KLHDC4: variants seen among roughly 807,000 people sequenced by gnomAD.
KLHDC4 encodes the protein kelch domain-containing protein 4.
KLHDC4 carries 90 observed loss-of-function variants against 62.4 expected under a neutral mutation model. That is an observed-to-expected ratio of 1.44 (90% CI 1.22 to 1.72). The LOEUF (loss-of-function observed/expected upper bound fraction) is 1.72. Ranked by LOEUF, KLHDC4 falls within the 40% of genes most tolerant of loss-of-function variation. The pLI is 0.00. For missense variants in KLHDC4, 1,025 were observed against 699.7 expected, an observed-to-expected ratio of 1.47 and a Z score of -5.25; for synonymous variants, 386 against 284.4, an observed-to-expected ratio of 1.36 and a Z score of -3.59.
At chr16:87,734,967 GACGCCCC>G (rs2041038767) in intron 5 of KLHDC4, among the ~76,000 whole-genome samples, 1 of 41,956 alleles carries the variant, frequency 2.4e-5, no homozygotes, top group African/African-American at 9.2e-5. Flanking sequence ...CGAATTGCCT[GACGCCCC>G]TCCCCCTCCT....
chr16:87,702,919 T>C (rs996373980), downstream of KLHDC4: 3 of 152,558 alleles, frequency 2.0e-5, no homozygotes, highest in African/African-American at 7.2e-5. Flanking sequence ...GCTGGAAAGA[T>C]AGCTTGATTA....
intron 10 of KLHDC4, among the ~76,000 whole-genome samples, chr16:87,708,724 C>T (rs2035161090): frequency 6.6e-6 from 1 of 152,248 alleles, no homozygotes; most frequent in Admixed American, 6.5e-5. Flanking sequence ...ACGGGGCCTC[C>T]TGCCACCCTC....
chr16:87,700,683 TGGAGGGCGGAGGGA>T (rs2034099992), exon 1 of KLHDC4: 1 of 112,446 alleles, frequency 8.9e-6, no homozygotes, highest in African/African-American at 8.2e-5. Context: ...GGGAGGAGGT[TGGAGGGCGGAGGGA>T]GGAGGTTGGA....
chr16:87,747,614 C>A (rs1319857010), intron 5 of KLHDC4: 1 of 152,280 alleles, frequency 6.6e-6, no homozygotes, highest in Non-Finnish European at 1.5e-5. Flanking sequence ...TCATGTCCTC[C>A]TCCAGCAGGT....
intron 4 of KLHDC4, among the ~76,000 whole-genome samples, chr16:87,752,339 T>C (rs968923803): frequency 9.9e-5 from 5 of 50,504 alleles, no homozygotes; most frequent in African/African-American, 5.2e-4. Flanking sequence ...CTGTTTTTTC[T>C]TTTTTTTTTT....
chr16:87,705,331 G>A (rs1190931713), downstream of KLHDC4, among the ~76,000 whole-genome samples: 1 of 152,202 alleles, frequency 6.6e-6, no homozygotes. Context: ...GCAGAGCTCC[G>A]CCCAGGAATC....
At chr16:87,733,925 C>T (rs574230337) in intron 5 of KLHDC4, among the ~76,000 whole-genome samples, 6 of 152,248 alleles carry the variant, frequency 3.9e-5, no homozygotes, top group Non-Finnish European at 8.8e-5. Context: ...GCTTCAATCA[C>T]GCAAGTCAGT....
rs79151439 is a variant in KLHDC4 at position 87,725,171 on chromosome 16, G to A, written c.759+1594C>T. On this transcript the variant is annotated intron_variant, in intron 7 of 11. Transcript: ENST00000270583. ...AATCAGAGCAGCGTCACCTCTGGGC[G>A]GAGGGGAGGGTGGGCAGCGGGGCCG... Among the ~76,000 whole-genome samples the A allele has an allele frequency of 2.3e-3, 353 of 152,282 alleles. 2 individuals are homozygous for A. The highest frequency in any genetic ancestry group is 8.1e-3 in the African/African-American group (336 of 41,560).
rs1031876166 is a variant in KLHDC4 at position 87,732,239 on chromosome 16, G to A, written c.507-1595C>T. Among the ~76,000 whole-genome samples the A allele has an allele frequency of 4.6e-5, 7 of 151,950 alleles. No individual in the cohort carries two copies. In the South Asian group the frequency reaches 6.2e-4, roughly 14 times the overall value. On this transcript the variant is annotated intron_variant, in intron 5 of 11. Coordinates refer to ENST00000270583, the MANE Select transcript of KLHDC4 (RefSeq NM_017566.4). ...GCCTCCCAAGTACCTGGGATTACAGGTGCCTGCCACCACGACCAGCTAATT... is the reference window on the plus strand; with the variant it reads ...GCCTCCCAAGTACCTGGGATTACAGATGCCTGCCACCACGACCAGCTAATT...
rs201912521 is a variant in KLHDC4 at position 87,737,923 on chromosome 16, C to T, written c.507-7279G>A. 1.6e-4 allele frequency among the ~76,000 whole-genome samples: 24 copies of T among 152,272 alleles called. No individual in the cohort carries two copies. In the South Asian group the frequency reaches 4.8e-3, roughly 30 times the overall value. ...TCTAAGTACATGTGGGTCCCACCTCCGTCCTATCAGAGATAGAAACTATCA... is the reference window on the plus strand; with the variant it reads ...TCTAAGTACATGTGGGTCCCACCTCTGTCCTATCAGAGATAGAAACTATCA... On this transcript the variant is annotated intron_variant, in intron 5 of 11. Transcript: ENST00000270583.
intron 7 of KLHDC4, among the ~76,000 whole-genome samples, chr16:87,719,316 T>G (rs1047858619): frequency 6.6e-6 from 1 of 152,264 alleles, no homozygotes; most frequent in Non-Finnish European, 1.5e-5. Flanking sequence ...CATTTTGTTC[T>G]GTACTAAGAA....
At chr16:87,762,485 G>T (rs2046034145) in intron 1 of KLHDC4, among the ~76,000 whole-genome samples, 1 of 152,132 alleles carries the variant, frequency 6.6e-6, no homozygotes, top group Non-Finnish European at 1.5e-5. Flanking sequence ...CAGAGCCCAG[G>T]CCTGGGCCGT....
intron 7 of KLHDC4, among the ~76,000 whole-genome samples, chr16:87,718,304 TCCCCC>T (rs2037429090): frequency 1.0e-3 from 35 of 33,526 alleles, no homozygotes; most frequent in African/African-American, 3.7e-3. Flanking sequence ...TCCCTCTCCC[TCCCCC>T]TCTCCCTCCC....
intron 5 of KLHDC4, among the ~76,000 whole-genome samples, chr16:87,732,988 T>C (rs1370137518): frequency 8.1e-4 from 72 of 89,432 alleles, no homozygotes; most frequent in African/African-American, 1.1e-3. Flanking sequence ...CCAGCTTCTA[T>C]AGGTGAAAAG....
At chr16:87,764,661 A>C (rs1399825020) in intron 1 of KLHDC4, among the ~76,000 whole-genome samples, 1 of 148,676 alleles carries the variant, frequency 6.7e-6, no homozygotes, top group Non-Finnish European at 1.5e-5. Flanking sequence ...AAAAAAAAAA[A>C]AAAAAAAAAA....
intron 11 of KLHDC4, 22 bp from the exon 12 acceptor site, chr16:87,708,097 A>G: frequency 1.7e-6 from 1 of 604,206 alleles, no homozygotes; most frequent in Non-Finnish European, 3.1e-6. Context: ...GGAGGAAGGA[A>G]TGAGAGAGAA....
intron 7 of KLHDC4, among the ~76,000 whole-genome samples, chr16:87,719,963 A>G (rs2037930357): frequency 6.6e-6 from 1 of 152,206 alleles, no homozygotes; most frequent in Non-Finnish European, 1.5e-5. Context: ...AATGTAGTAC[A>G]GGCCACCTAG....
At chr16:87,714,671 G>T (rs2142968900) in intron 7 of KLHDC4, 98 bp from the exon 8 acceptor site, 1 of 1,294,106 alleles carries the variant, frequency 7.7e-7, no homozygotes, top group East Asian at 2.3e-5. Context: ...GAAGGGGCTG[G>T]AGGCCTTCCC....
chr16:87,752,251 A>G (rs2044118778), intron 4 of KLHDC4, among the ~76,000 whole-genome samples: 1 of 143,858 alleles, frequency 7.0e-6, no homozygotes. Context: ...CACAAAAAAG[A>G]AAAAAAAAAA....
Sources: gnomAD v4.1 joint callset for allele counts (sites outside exome capture counted in the v4.1 genomes callset) on GRCh38, gnomAD v4.1.1 for gene constraint, MANE v1.5 for transcripts, NCBI Gene and HGNC (gene_info 2026-07-23, HGNC 2026-07-21) for gene names.